Variants in FUT9 observed in about 807,000 individuals in gnomAD.
The protein encoded by FUT9 is 4-galactosyl-N-acetylglucosaminide 3-alpha-L-fucosyltransferase 9.
Under a neutral mutation model 29.7 loss-of-function variants are expected in FUT9, and 15 were observed. The ratio of observed to expected loss-of-function variants is 0.51; its 90% CI spans 0.34 to 0.78. The LOEUF (loss-of-function observed/expected upper bound fraction) is 0.78, where lower values mean the gene tolerates loss of function less well. Ranked by LOEUF, FUT9 falls within the 30% of genes least tolerant of loss-of-function variation. The probability of loss-of-function intolerance (pLI) is 0.01; values close to 1 mark genes in which losing one functional copy is unlikely to be tolerated. For missense variants in FUT9, 319 were observed against 425.4 expected, an observed-to-expected ratio of 0.75 and a Z score of 2.20; for synonymous variants, 169 against 153.7, an observed-to-expected ratio of 1.10 and a Z score of -0.74.
At chr6:96,124,429 C>G (rs990555313) in intron 2 of FUT9, among the ~76,000 whole-genome samples, 3 of 152,034 alleles carry the variant, frequency 2.0e-5, no homozygotes, top group Non-Finnish European at 4.4e-5. Flanking sequence ...GGATTACAGG[C>G]GTGAGCCACT....
chr6:96,022,888 A>G (rs1770099593), intron 1 of FUT9, among the ~76,000 whole-genome samples: 1 of 151,818 alleles, frequency 6.6e-6, no homozygotes, highest in Admixed American at 6.6e-5. Flanking sequence ...CCTGTATGTT[A>G]AGGAGGTGAT....
chr6:96,138,698 G>C (rs1772406672), intron 2 of FUT9, among the ~76,000 whole-genome samples: 1 of 152,134 alleles, frequency 6.6e-6, no homozygotes, highest in Non-Finnish European at 1.5e-5. Flanking sequence ...TTATTAATAA[G>C]GCATCCTTTC....
intron 1 of FUT9, among the ~76,000 whole-genome samples, chr6:96,095,808 T>A (rs1322877942): frequency 6.6e-6 from 1 of 152,132 alleles, no homozygotes; most frequent in Non-Finnish European, 1.5e-5. Context: ...GCTCAACTAG[T>A]TTGTTAGATG....
intron 2 of FUT9, among the ~76,000 whole-genome samples, chr6:96,153,536 C>CA (rs1427078439): frequency 6.6e-6 from 1 of 152,170 alleles, no homozygotes; most frequent in East Asian, 1.9e-4. Context: ...TCTGAAAAAT[C>CA]AGAGTCAGAC....
chr6:96,029,273 C>T (rs568159459), intron 1 of FUT9, among the ~76,000 whole-genome samples: 1 of 151,676 alleles, frequency 6.6e-6, no homozygotes, highest in South Asian at 2.1e-4. Context: ...TTTAGAAACT[C>T]TGGTAATCCC....
intron 2 of FUT9, among the ~76,000 whole-genome samples, chr6:96,136,464 T>G (rs1236245726): frequency 6.6e-6 from 1 of 151,964 alleles, no homozygotes; most frequent in East Asian, 1.9e-4. Context: ...CTCATTATGC[T>G]TAGGTCAGAT....
chr6:96,113,493 C>T (rs1322307220), intron 1 of FUT9, among the ~76,000 whole-genome samples: 2 of 149,486 alleles, frequency 1.3e-5, no homozygotes, highest in Non-Finnish European at 3.0e-5. Context: ...CCCGTCTCGG[C>T]CTCCCAAAGT....
intron 2 of FUT9, among the ~76,000 whole-genome samples, chr6:96,116,851 G>C (rs1385452620): frequency 6.6e-6 from 1 of 150,436 alleles, no homozygotes. Context: ...AAATTTTAAA[G>C]GGGGGTGGAA....
At chr6:96,052,298 AGGTG>A (rs1219323699) in intron 1 of FUT9, among the ~76,000 whole-genome samples, 6 of 142,854 alleles carry the variant, frequency 4.2e-5, no homozygotes, top group African/African-American at 1.8e-4. Flanking sequence ...TTATAATTCC[AGGTG>A]ACATTTGAGT....
In FUT9 at chr6:96,205,008, A is replaced by G. The variant is rs910679635; in HGVS notation, c.*773A>G. ...TCTAAGACAGTTCTTTCTGCTACTG[A>G]TGACACTCATTGTCATAATAAAACA... is the stretch of plus-strand genomic sequence containing the variant. On this transcript the variant is annotated 3_prime_UTR_variant, in exon 3 of 3. Coordinates refer to ENST00000302103, the MANE Select transcript of FUT9 (RefSeq NM_006581.4). The G allele has an allele frequency of 6.1e-6, 1 of 163,310 alleles. No individual in the cohort carries two copies. Among genetic ancestry groups the G allele is most frequent in the Non-Finnish European group, 1.5e-5 (1 of 68,076 alleles). 10.1% of individuals were successfully genotyped at this position (163,310 alleles called of 1,614,324 possible). A position where few individuals can be genotyped will look rare whatever the true frequency, so the allele number is the denominator to read the frequency against.
chr6:96,016,388 T>G (rs2127918295), intron 1 of FUT9, among the ~76,000 whole-genome samples, 176 bp downstream of exon 1: 1 of 152,256 alleles, frequency 6.6e-6, no homozygotes, highest in Non-Finnish European at 1.5e-5. Context: ...CAACTCCACC[T>G]GCTGGCAACC....
intron 2 of FUT9, among the ~76,000 whole-genome samples, chr6:96,169,419 G>A (rs1428400192): frequency 6.6e-6 from 1 of 152,116 alleles, no homozygotes; most frequent in African/African-American, 2.4e-5. Flanking sequence ...AGTACTCAAT[G>A]AATCTCAGGT....
Position 96,203,431 on chromosome 6 carries a change from T to A in FUT9, c.276T>A (p.His92Gln), listed in dbSNP as rs749109692. 6.2e-7 allele frequency: 1 copy of A among 1,608,352 alleles called. No individual in the cohort carries two copies. Among genetic ancestry groups the A allele is most frequent in the South Asian group, 1.1e-5 (1 of 90,238 alleles). Residue 92 changes from histidine to glutamine, a missense_variant, in exon 3 of 3, where the codon CAT becomes CAA. Physicochemically the swap from His to Gln is conservative, Grantham distance 24 (BLOSUM62 0). Transcript: ENST00000302103. The stretch of plus-strand genomic sequence containing the variant: ...CAATGTTCAACATCCAAGGATGCCA[T>A]CTCACAACGGACCGTTCACTGTACA... ...CQAMFNIQGC[H>Q]LTTDRSLYNK... is the part of the protein sequence containing the mutation.
intron 1 of FUT9, among the ~76,000 whole-genome samples, chr6:96,094,324 T>C (rs746624205): frequency 5.9e-5 from 9 of 152,172 alleles, no homozygotes; most frequent in Non-Finnish European, 1.2e-4. Context: ...TGTCACAGTA[T>C]CTCAGTGCTT....
At chr6:96,019,228 A>T (rs930712469) in intron 1 of FUT9, among the ~76,000 whole-genome samples, 10 of 152,002 alleles carry the variant, frequency 6.6e-5, no homozygotes, top group African/African-American at 2.4e-4. Flanking sequence ...CACATACCTA[A>T]AATTATAATA....
chr6:96,137,933 T>G (rs34754834), intron 2 of FUT9, among the ~76,000 whole-genome samples: 26,432 of 152,036 alleles, frequency 0.17, 2,681 homozygotes, highest in East Asian at 0.31. Flanking sequence ...CATATTAAGG[T>G]ATGCCTGAAG....
intron 1 of FUT9, among the ~76,000 whole-genome samples, chr6:96,034,656 C>CT (rs1227665465): frequency 6.6e-6 from 1 of 151,638 alleles, no homozygotes; most frequent in Middle Eastern, 3.2e-3. Context: ...TTATCACACA[C>CT]TTACTACAAT....
intron 2 of FUT9, among the ~76,000 whole-genome samples, chr6:96,192,658 T>G (rs1372960411): frequency 6.6e-6 from 1 of 152,106 alleles, no homozygotes; most frequent in Non-Finnish European, 1.5e-5. Flanking sequence ...ATGCCATCCC[T>G]GTCAAGCTAC....
intron 2 of FUT9, among the ~76,000 whole-genome samples, chr6:96,164,256 T>C (rs867850171): frequency 6.8e-5 from 7 of 103,650 alleles, no homozygotes; most frequent in African/African-American, 2.3e-4. Flanking sequence ...CCAGGTTCTT[T>C]TTTTTTTTTT....
Sources: gnomAD v4.1 joint callset for allele counts (sites outside exome capture counted in the v4.1 genomes callset) on GRCh38, gnomAD v4.1.1 for gene constraint, MANE v1.5 for transcripts, NCBI Gene and HGNC (gene_info 2026-07-23, HGNC 2026-07-21) for gene names.